Variants in CEBPZ observed in about 807,000 individuals in gnomAD.
The protein encoded by CEBPZ is CCAAT enhancer binding protein zeta.
In CEBPZ, 78 loss-of-function variants were observed where a neutral mutation model predicts 104.5. The observed-to-expected ratio is 0.75, with a 90% CI of 0.62 to 0.90. The LOEUF is 0.90. Among genes scored for constraint, CEBPZ ranks in the 40% least tolerant of loss-of-function variants. The pLI is 0.00. For synonymous variants in CEBPZ, 470 were observed against 427.0 expected, an observed-to-expected ratio of 1.10 and a Z score of -1.24; for missense variants, 1,439 against 1,233.5, an observed-to-expected ratio of 1.17 and a Z score of -2.50.
intron 4 of CEBPZ, among the ~76,000 whole-genome samples, 157 bp from the exon 5 acceptor site, chr2:37,220,630 G>A (rs1211610635): frequency 6.6e-6 from 1 of 152,156 alleles, no homozygotes. Flanking sequence ...TCAAGAATTT[G>A]TCTTGGTACT....
In CEBPZ at chr2:37,220,468, T is replaced by G. The variant is rs1333198457; in HGVS notation, c.2071A>C (p.Lys691Gln). The change falls in exon 5 of 16, where the codon AAA becomes CAA. Residue 691 changes from lysine (K) to glutamine (Q), a missense_variant. Physicochemically the swap from Lys to Gln is moderately conservative, Grantham distance 53. Coordinates refer to ENST00000234170, the MANE Select transcript of CEBPZ (RefSeq NM_005760.3). Reference sequence around the variant, plus strand: ...AATGGATCGTATTTATTTAACTGTTTCCCACCTAGGAATAACAAAAAAAAT... The same window carrying G: ...AATGGATCGTATTTATTTAACTGTTGCCCACCTAGGAATAACAAAAAAAAT... ...WVHFDNLKGG[K>Q]QLNKYDPFSR... The G allele has an allele frequency of 5.1e-6, 8 of 1,577,550 alleles. No individual in the cohort carries two copies. The highest frequency in any genetic ancestry group is 6.9e-6 in the Non-Finnish European group (8 of 1,153,486).
intron 5 of CEBPZ, among the ~76,000 whole-genome samples, chr2:37,219,239 G>T (rs1399824623): frequency 6.6e-6 from 1 of 152,162 alleles, no homozygotes; most frequent in Non-Finnish European, 1.5e-5. Context: ...GTAAGCACTT[G>T]TCCTTGAGAC....
chr2:37,202,939 A>AT lies in CEBPZ; in HGVS notation c.2943+10dup. ...AATAGCTAGCTTGTTAAAACAGTAC[A>AT]TTAGCCTTACCTCTTCAGCAGATAC... is the stretch of plus-strand genomic sequence containing the variant. On this transcript the variant is annotated intron_variant, in intron 14 of 15. Coordinates refer to ENST00000234170, the MANE Select transcript of CEBPZ (RefSeq NM_005760.3). 1 of 1,594,934 alleles carries AT rather than the reference A, an allele frequency of 6.3e-7. No homozygotes were observed. Among genetic ancestry groups the AT allele is most frequent in the Non-Finnish European group, 8.5e-7 (1 of 1,170,640 alleles).
intron 4 of CEBPZ, among the ~76,000 whole-genome samples, chr2:37,220,949 A>G (rs1572505675): frequency 6.6e-6 from 1 of 152,042 alleles, no homozygotes; most frequent in East Asian, 1.9e-4. Context: ...GTGAACCAAG[A>G]TCGTGCCATT....
chr2:37,223,383 C>A lies in CEBPZ; in HGVS notation c.1668G>T (p.Gly556=), dbSNP rs777785522. The A allele has an allele frequency of 1.2e-6, 2 of 1,613,942 alleles. No homozygotes were observed. Among genetic ancestry groups the A allele is most frequent in the Admixed American group, 3.3e-5 (2 of 60,010 alleles). ...TAGCTTGCTTGGAACACGTCATCAA[C>A]CCTGGATCCAACATCTTCCTGCAAA... ...TALYRKMLDP[G]LMTCSKQAMF... is the part of the protein sequence containing the mutation. The change falls in exon 3 of 16, where the codon GGG becomes GGT. Residue 556 remains glycine, a synonymous_variant. Coordinates refer to ENST00000234170, the MANE Select transcript of CEBPZ (RefSeq NM_005760.3).
At position 37,201,897 on chromosome 2, in the gene CEBPZ, T is replaced by C. The variant is rs1028215374; in HGVS notation, c.3032A>G (p.Lys1011Arg). ...AMANKDNASL[K>R]QLRWEAERDD... ...ACGTTCAGCCTCCCATCTAAGCTGT[T>C]TGAGACCTTTGAGAGAAGAAGAAAA... Residue 1011 changes from lysine to arginine, a missense_variant, in exon 16 of 16, where the codon AAA becomes AGA. Lys to Arg is a conservative substitution (Grantham distance 26). Coordinates refer to ENST00000234170, the MANE Select transcript of CEBPZ (RefSeq NM_005760.3). 7 of 1,612,022 alleles carry C rather than the reference T, an allele frequency of 4.3e-6. No individual in the cohort carries two copies. The highest frequency in any genetic ancestry group is 1.7e-5 in the Admixed American group (1 of 59,412).
In CEBPZ at chr2:37,228,703, G is replaced by C. The variant is rs780389804; in HGVS notation, c.490C>G (p.Gln164Glu). ...CTCTCAAAAAATTCAAAGATGTTCTGTTTATCTTTCTTTACTTTCGGTGTG... is the reference window on the plus strand; with the variant it reads ...CTCTCAAAAAATTCAAAGATGTTCTCTTTATCTTTCTTTACTTTCGGTGTG... ...STTPKVKKDK[Q>E]NIFEFFERQT... Residue 164 changes from glutamine to glutamate, a missense_variant, in exon 2 of 16, where the codon CAG (glutamine) becomes GAG (glutamate). Transcript: ENST00000234170. The C allele has an allele frequency of 1.9e-6, 3 of 1,613,984 alleles. No individual in the cohort carries two copies. In the African/African-American group the frequency reaches 4.0e-5, roughly 22 times the overall value.
Position 37,222,399 on chromosome 2 carries a change from C to A in CEBPZ, c.2046G>T (p.Val682=). The A allele has an allele frequency of 6.3e-7, 1 of 1,585,262 alleles. No homozygotes were observed. Among genetic ancestry groups the A allele is most frequent in the South Asian group, 1.2e-5 (1 of 84,750 alleles). ...ACTCACCTTTCAAATTATCAAAGTGCACCCAGGAAGCAACCTCTGGTTTTT... is the reference window on the plus strand; with the variant it reads ...ACTCACCTTTCAAATTATCAAAGTGAACCCAGGAAGCAACCTCTGGTTTTT... ...ETKKPEVASW[V]HFDNLKGGKQ... is the part of the protein sequence containing the mutation. Residue 682 remains valine (V), a synonymous_variant, in exon 4 of 16, where the codon GTG becomes GTT. Transcript: ENST00000234170.
intron 3 of CEBPZ, 61 bp downstream of exon 3, chr2:37,223,109 C>T: frequency 5.0e-6 from 7 of 1,403,716 alleles, no homozygotes; most frequent in Non-Finnish European, 6.9e-6. Context: ...CAAAGAAAAA[C>T]AAAACAAAAA....
At chr2:37,217,395 T>C (rs1284879719) in intron 5 of CEBPZ, among the ~76,000 whole-genome samples, 5 of 152,082 alleles carry the variant, frequency 3.3e-5, no homozygotes, top group Non-Finnish European at 4.4e-5. Context: ...AGTGAGACCC[T>C]ATTTCAACAA....
chr2:37,231,148 G>C (rs1180265279), intron 1 of CEBPZ: 1 of 633,764 alleles, frequency 1.6e-6, no homozygotes, highest in Non-Finnish European at 3.0e-6. Flanking sequence ...CTGATGGTGT[G>C]ATGGTTATAC....
intron 5 of CEBPZ, among the ~76,000 whole-genome samples, chr2:37,219,106 A>G (rs1228743403): frequency 3.9e-5 from 6 of 152,222 alleles, no homozygotes; most frequent in Non-Finnish European, 7.3e-5. Flanking sequence ...ATTGCTGACA[A>G]CAAATACTGC....
chr2:37,227,774 G>A lies in CEBPZ; in HGVS notation c.1419C>T (p.Val473=), dbSNP rs769039898. The A allele has an allele frequency of 1.2e-6, 2 of 1,610,014 alleles. No individual in the cohort carries two copies. Among genetic ancestry groups the A allele is most frequent in the Non-Finnish European group, 1.7e-6 (2 of 1,178,924 alleles). Residue 473 remains valine (V), a synonymous_variant, in exon 2 of 16, where the codon GTC becomes GTT. Coordinates refer to ENST00000234170, the MANE Select transcript of CEBPZ (RefSeq NM_005760.3). The part of the protein sequence containing the change: ...TVYFCFFRTC[V]KKKDVESKML... ...TTTTTGATTCAACATCTTTTTTTTT[G>A]ACACAAGTCCGAAAAAAGCAAAAGT...
intron 13 of CEBPZ, 170 bp downstream of exon 13, chr2:37,210,829 G>C (rs545378541): frequency 2.1e-6 from 1 of 487,210 alleles, no homozygotes. Flanking sequence ...CTGAATGCGA[G>C]AAACAATTCA....
In CEBPZ at chr2:37,210,755, A is replaced by C. The variant is rs555516482; in HGVS notation, c.2884+244T>G. On this transcript the variant is annotated intron_variant, in intron 13 of 15. Transcript: ENST00000234170. Reference sequence around the variant, plus strand: ...TAACCAAACACCCTACCTGTTCCCCAAAAACAACTGAAATAATGATAACAA... The same window carrying C: ...TAACCAAACACCCTACCTGTTCCCCCAAAACAACTGAAATAATGATAACAA... The C allele has an allele frequency of 3.3e-4, 126 of 382,508 alleles. No individual in the cohort carries two copies. The East Asian group carries it at 5.8e-3, about 18-fold the overall frequency. 23.7% of individuals were successfully genotyped at this position (382,508 alleles called of 1,614,324 possible).
chr2:37,219,442 T>C (rs1313385520), intron 5 of CEBPZ, among the ~76,000 whole-genome samples: 2 of 151,988 alleles, frequency 1.3e-5, no homozygotes, highest in African/African-American at 4.8e-5. Context: ...CAGTGATGAA[T>C]ATAATGGCTT....
rs754746073 is a variant in CEBPZ at position 37,201,809 on chromosome 2, CTTTT to C, written c.3116_3119del (p.Lys1039ArgfsTer20). Reference sequence around the variant, plus strand: ...TTTTTTGAGTGGTTTTAATCCTCTTCTTTTTAAAATGTTTCTTTTTCTTGATGAT... The same window carrying C: ...TTTTTTGAGTGGTTTTAATCCTCTTCTAAAATGTTTCTTTTTCTTGATGAT... On this transcript the variant is annotated frameshift_variant, in exon 16 of 16. Coordinates refer to ENST00000234170, the MANE Select transcript of CEBPZ (RefSeq NM_005760.3). LOFTEE classifies it high-confidence loss of function. 6.3e-7 allele frequency: 1 copy of C among 1,584,140 alleles called. No individual in the cohort carries two copies. Among genetic ancestry groups the C allele is most frequent in the East Asian group, 2.2e-5 (1 of 44,740 alleles).
intron 10 of CEBPZ, among the ~76,000 whole-genome samples, chr2:37,212,846 A>AC (rs1195304076): frequency 1.3e-5 from 2 of 149,536 alleles, no homozygotes; most frequent in African/African-American, 4.9e-5. Context: ...AAAAAAAAAA[A>AC]AAAAACAAAA....
At chr2:37,212,459 G>C in intron 10 of CEBPZ, 67 bp from the exon 11 acceptor site, 1 of 1,296,026 alleles carries the variant, frequency 7.7e-7, no homozygotes, top group South Asian at 1.2e-5. Context: ...TCTTGTATCT[G>C]AATCAATTAT....
Sources: allele counts gnomAD v4.1 joint callset (sites outside exome capture counted in the v4.1 genomes callset), GRCh38; gene constraint gnomAD v4.1.1; transcripts MANE v1.5; gene names NCBI Gene and HGNC (gene_info 2026-07-23, HGNC 2026-07-21).